The following RIN2 variants were observed in gnomAD, a reference collection of about 807,000 sequenced individuals.
RIN2 encodes RAB5 interacting protein 2.
A neutral mutation model predicts 78.0 loss-of-function variants in RIN2; 36 were observed. The observed-to-expected ratio is 0.46, with a 90% CI of 0.35 to 0.61. The LOEUF (loss-of-function observed/expected upper bound fraction) is 0.61. Ranked by LOEUF, RIN2 falls within the 20% of genes least tolerant of loss-of-function variation. The pLI is 0.00. For missense variants in RIN2, 1,087 were observed against 1,159.7 expected (o/e 0.94, Z 0.91); for synonymous variants, 466 against 466.8 (o/e 1.00, Z 0.02).
At chr20:19,973,662 G>A (rs985498544) in intron 8 of RIN2, among the ~76,000 whole-genome samples, 13 of 152,118 alleles carry the variant, frequency 8.5e-5, no homozygotes, top group South Asian at 4.2e-4. Context: ...GGTGGTGTGC[G>A]CCTGTAGTCC....
At chr20:19,878,203 C>T (rs759215032) in intron 2 of RIN2, among the ~76,000 whole-genome samples, 27 of 152,274 alleles carry the variant, frequency 1.8e-4, no homozygotes, top group Middle Eastern at 6.8e-3. Context: ...CCCACATCCC[C>T]TCCCTGCCTC....
At chr20:19,982,191 A>G (rs2042476551) in intron 9 of RIN2, among the ~76,000 whole-genome samples, 1 of 152,112 alleles carries the variant, frequency 6.6e-6, no homozygotes, top group Admixed American at 6.5e-5. Flanking sequence ...GATGCATACA[A>G]TTGCTCCTGG....
At chr20:19,869,067 G>C (rs2037598038) in intron 2 of RIN2, among the ~76,000 whole-genome samples, 1 of 111,120 alleles carries the variant, frequency 9.0e-6, no homozygotes, top group Non-Finnish European at 1.7e-5. Flanking sequence ...GGGTGACAGA[G>C]CAAGACTCCG....
chr20:19,838,885 G>A (rs533455587), intron 2 of RIN2, among the ~76,000 whole-genome samples: 2 of 152,168 alleles, frequency 1.3e-5, no homozygotes, highest in South Asian at 2.1e-4. Context: ...GACTTCACCC[G>A]AGCCTCCTCT....
chr20:19,773,329 A>T (rs2034200950), intron 1 of RIN2, among the ~76,000 whole-genome samples: 1 of 152,326 alleles, frequency 6.6e-6, no homozygotes, highest in East Asian at 1.9e-4. Context: ...ACTCCAACAT[A>T]TCTCTTTGTG....
intron 6 of RIN2, among the ~76,000 whole-genome samples, chr20:19,964,011 A>C (rs749992813): frequency 6.6e-6 from 1 of 151,848 alleles, no homozygotes; most frequent in South Asian, 2.1e-4. Flanking sequence ...TTACAGGTGC[A>C]TGTCACCACA....
chr20:19,840,743 C>A (rs935075458), intron 2 of RIN2, among the ~76,000 whole-genome samples: 1 of 152,168 alleles, frequency 6.6e-6, no homozygotes, highest in African/African-American at 2.4e-5. Context: ...TTCCTGGGGA[C>A]CCGTAGAGCA....
intron 3 of RIN2, among the ~76,000 whole-genome samples, chr20:19,900,418 G>T (rs563064096): frequency 4.6e-5 from 7 of 152,146 alleles, no homozygotes; most frequent in African/African-American, 1.2e-4. Flanking sequence ...AGGAGGCAGA[G>T]GTTGCAGTGA....
chr20:19,846,871 T>A (rs2036801769), intron 2 of RIN2, among the ~76,000 whole-genome samples: 1 of 152,146 alleles, frequency 6.6e-6, no homozygotes, highest in African/African-American at 2.4e-5. Flanking sequence ...TGAATAGAGA[T>A]AGCACCTTCT....
At chr20:19,958,984 G>T (rs542320382) in intron 5 of RIN2, among the ~76,000 whole-genome samples, 6 of 152,184 alleles carry the variant, frequency 3.9e-5, no homozygotes, top group Admixed American at 6.5e-5. Flanking sequence ...TGGGCTCTTG[G>T]GGTGCCCATC....
intron 2 of RIN2, among the ~76,000 whole-genome samples, chr20:19,844,673 CTT>C (rs1159466070): frequency 0.04 from 2,758 of 68,428 alleles, 39 homozygotes; most frequent in East Asian, 0.075. Context: ...CTTCTTCCTT[CTT>C]CTTCTTCTTC....
chr20:19,923,425 T>TAAAAA (rs1555791775), intron 3 of RIN2, among the ~76,000 whole-genome samples: 9 of 125,306 alleles, frequency 7.2e-5, no homozygotes, highest in Non-Finnish European at 1.3e-4. Context: ...CAAAATAAAA[T>TAAAAA]AAATAAAATA....
intron 3 of RIN2, among the ~76,000 whole-genome samples, chr20:19,899,666 T>C (rs371368096): frequency 5.9e-5 from 9 of 152,172 alleles, no homozygotes; most frequent in African/African-American, 2.2e-4. Flanking sequence ...ACTTGGCAGG[T>C]CTCGGTCCAT....
chr20:19,910,813 C>T (rs2039432441), intron 3 of RIN2, among the ~76,000 whole-genome samples: 1 of 150,044 alleles, frequency 6.7e-6, no homozygotes, highest in African/African-American at 2.5e-5. Flanking sequence ...AGTGATCCGC[C>T]TGCCTCGGCC....
chr20:19,955,335 CT>C (rs970793459), intron 4 of RIN2, among the ~76,000 whole-genome samples: 7 of 149,710 alleles, frequency 4.7e-5, no homozygotes, highest in African/African-American at 1.2e-4. Flanking sequence ...ATAGATTACT[CT>C]TTTTTTTTTC....
At chr20:19,913,752 T>C (rs776011708) in intron 3 of RIN2, among the ~76,000 whole-genome samples, 1 of 152,232 alleles carries the variant, frequency 6.6e-6, no homozygotes, top group African/African-American at 2.4e-5. Flanking sequence ...TTGTAGCATA[T>C]GTTATAATTT....
At chr20:19,894,011 G>A (rs1481420775) in intron 3 of RIN2, among the ~76,000 whole-genome samples, 2 of 152,146 alleles carry the variant, frequency 1.3e-5, no homozygotes, top group Non-Finnish European at 2.9e-5. Context: ...GATGGAGGTT[G>A]CACTGAGCCA....
At chr20:19,788,439 A>AAAAAAAAAAAAAAAAAAAAAAACC (rs1555818733) in intron 1 of RIN2, among the ~76,000 whole-genome samples, 7 of 133,032 alleles carry the variant, frequency 5.3e-5, no homozygotes, top group African/African-American at 2.3e-4. Context: ...TGCCAAAAAA[A>AAAAAAAAAAAAAAAAAAAAAAACC]AAAAAAAAAA....
At chr20:19,924,204 CCCCAA>C (rs1600818262) in intron 3 of RIN2, among the ~76,000 whole-genome samples, 8 of 47,452 alleles carry the variant, frequency 1.7e-4, no homozygotes, top group East Asian at 1.1e-3. Context: ...ACCTTCATAC[CCCCAA>C]CTTTCATACC....
Sources: allele counts gnomAD v4.1 joint callset (sites outside exome capture counted in the v4.1 genomes callset), GRCh38; gene constraint gnomAD v4.1.1; transcripts MANE v1.5; gene names NCBI Gene and HGNC (gene_info 2026-07-23, HGNC 2026-07-21).